COG2: variants seen among roughly 807,000 people sequenced by gnomAD.
The protein encoded by COG2 is component of oligomeric golgi complex 2, also known as conserved oligomeric Golgi complex subunit 2.
In COG2, 52 loss-of-function variants were observed where a neutral mutation model predicts 90.6. The observed-to-expected ratio is 0.57, with a 90% CI of 0.46 to 0.72. COG2 has a LOEUF of 0.72. Among genes scored for constraint, COG2 ranks in the 30% least tolerant of loss-of-function variants. COG2 has a pLI of 0.00. For missense variants in COG2, 829 were observed against 891.2 expected (o/e 0.93, Z 0.89); for synonymous variants, 337 against 320.4 (o/e 1.05, Z -0.55).
chr1:230,656,690 C>T (rs1454666461), intron 1 of COG2, among the ~76,000 whole-genome samples: 1 of 152,092 alleles, frequency 6.6e-6, no homozygotes, highest in Non-Finnish European at 1.5e-5. Context: ...TCAAATCTCC[C>T]ACTATTATTG....
chr1:230,679,964 T>C (rs1662699737), intron 10 of COG2: 1 of 152,200 alleles, frequency 6.6e-6, no homozygotes, highest in Non-Finnish European at 1.5e-5. Context: ...TATGTAATGA[T>C]CTTTTTATAA....
rs1281846229 is a variant in COG2 at position 230,678,933 on chromosome 1, T to C, written c.1047T>C (p.Asp349=). The stretch of plus-strand genomic sequence containing the variant: ...TTTAGAAATATACCATAAGTATGGA[T>C]TTTGTCAGAAGATTGGAACGGCAGT... ...AFHEKYTISM[D]FVRRLERQCG... is the part of the protein sequence containing the mutation. The change falls in exon 10 of 18, where the codon GAT becomes GAC. Residue 349 remains aspartate, a synonymous_variant. Transcript: ENST00000366669. The C allele has an allele frequency of 1.2e-6, 2 of 1,612,710 alleles. No individual in the cohort carries two copies. The highest frequency in any genetic ancestry group is 2.2e-5 in the South Asian group (2 of 90,886).
intron 1 of COG2, among the ~76,000 whole-genome samples, chr1:230,657,100 C>T (rs1179183068): frequency 6.6e-6 from 1 of 152,084 alleles, no homozygotes; most frequent in East Asian, 1.9e-4. Flanking sequence ...TGGAATTTGA[C>T]CCTATCCTTA....
intron 1 of COG2, chr1:230,643,132 A>G (rs1468730450): frequency 6.4e-6 from 1 of 156,816 alleles, no homozygotes; most frequent in African/African-American, 2.4e-5. Flanking sequence ...CTTAACATTC[A>G]GCTAAAGCTT....
At chr1:230,662,376 G>A (rs1490496153) in intron 3 of COG2, among the ~76,000 whole-genome samples, 1 of 152,098 alleles carries the variant, frequency 6.6e-6, no homozygotes, top group African/African-American at 2.4e-5. Flanking sequence ...TAGGTATTTT[G>A]TAACATTTGT....
chr1:230,659,765 A>G, intron 2 of COG2, 140 bp downstream of exon 2: 1 of 758,496 alleles, frequency 1.3e-6, no homozygotes, highest in Non-Finnish European at 1.9e-6. Context: ...TAATGTCATC[A>G]ATAAAATAAC....
At chr1:230,685,357 T>G (rs778175699) in intron 12 of COG2, 121 bp downstream of exon 12, 1 of 955,092 alleles carries the variant, frequency 1.0e-6, no homozygotes, top group Non-Finnish European at 1.5e-6. Flanking sequence ...ACCACAGTAG[T>G]CTGACTTCCC....
chr1:230,685,892 C>T (rs984710977), intron 12 of COG2, among the ~76,000 whole-genome samples: 18 of 152,126 alleles, frequency 1.2e-4, no homozygotes, highest in Admixed American at 7.9e-4. Context: ...TCAGGTAAAC[C>T]AGTCATCGCA....
intron 10 of COG2, chr1:230,683,187 G>A (rs1015889277): frequency 1.2e-5 from 2 of 162,560 alleles, no homozygotes; most frequent in African/African-American, 4.8e-5. Context: ...ACCTTCCTGT[G>A]ATGGTGTTAA....
Position 230,664,596 on chromosome 1 carries a change from T to A in COG2, c.485+9T>A. ...GCACTAGAAGCAAGCAGGTAAGTAT[T>A]TTTTATTAAATAACTCGTAAATTAA... On this transcript the variant is annotated intron_variant, in intron 5 of 17. Transcript: ENST00000366669. 7.2e-7 allele frequency: 1 copy of A among 1,388,654 alleles called. No homozygotes were observed. 86.0% of individuals were successfully genotyped at this position (1,388,654 alleles called of 1,614,324 possible). A position where few individuals can be genotyped will look rare whatever the true frequency, so the allele number is the denominator to read the frequency against.
intron 2 of COG2, among the ~76,000 whole-genome samples, chr1:230,659,827 TA>T (rs1662143742): frequency 1.3e-5 from 2 of 152,204 alleles, no homozygotes; most frequent in African/African-American, 4.8e-5. Context: ...TATTCTAAAT[TA>T]AATATTTTTT....
At position 230,679,135 on chromosome 1, in the gene COG2, C is replaced by T. The variant is rs192254511; in HGVS notation, c.1166+83C>T. ...CAGTTAAGGATGTTGCCTCAGTTAG[C>T]GGCTCCTTTTCTCTGATCATCATAA... On this transcript the variant is annotated intron_variant, in intron 10 of 17. Transcript: ENST00000366669. 6.1e-4 allele frequency: 808 copies of T among 1,332,060 alleles called. 1 individual carries two copies. Among genetic ancestry groups the T allele is most frequent in the Middle Eastern group, 5.0e-3 (21 of 4,172 alleles). The allele number at this position is 1,332,060 out of a possible 1,614,324, so 82.5% of individuals were successfully genotyped here.
intron 1 of COG2, among the ~76,000 whole-genome samples, chr1:230,652,490 A>C (rs1661937946): frequency 6.6e-6 from 1 of 152,200 alleles, no homozygotes; most frequent in African/African-American, 2.4e-5. Flanking sequence ...AAGTTTTGGC[A>C]GTTAGAATAA....
chr1:230,655,864 A>G (rs1252044583), intron 1 of COG2, among the ~76,000 whole-genome samples: 1 of 152,300 alleles, frequency 6.6e-6, no homozygotes, highest in East Asian at 1.9e-4. Flanking sequence ...CATTTCTTCT[A>G]GATTTTCTAG....
intron 5 of COG2, among the ~76,000 whole-genome samples, chr1:230,667,093 C>A (rs1439291385): frequency 6.6e-6 from 1 of 152,158 alleles, no homozygotes; most frequent in Non-Finnish European, 1.5e-5. Context: ...GACAACTTAA[C>A]GGTGAGACTG....
intron 1 of COG2, among the ~76,000 whole-genome samples, chr1:230,655,386 G>A (rs1190853878): frequency 2.6e-5 from 4 of 152,126 alleles, no homozygotes; most frequent in African/African-American, 9.7e-5. Flanking sequence ...TTCTGTTTAT[G>A]TGATGGATTA....
chr1:230,678,932 A>AT lies in COG2; in HGVS notation c.1050dup (p.Val351CysfsTer13). The stretch of plus-strand genomic sequence containing the variant: ...TTTTAGAAATATACCATAAGTATGG[A>AT]TTTTGTCAGAAGATTGGAACGGCAG... On this transcript the variant is annotated frameshift_variant, in exon 10 of 18. Coordinates refer to ENST00000366669, the MANE Select transcript of COG2 (RefSeq NM_007357.3). LOFTEE classifies it high-confidence loss of function. 4 of 1,612,662 alleles carry AT rather than the reference A, an allele frequency of 2.5e-6. No individual in the cohort carries two copies. Among genetic ancestry groups the AT allele is most frequent in the Non-Finnish European group, 3.4e-6 (4 of 1,179,074 alleles).
In COG2 at chr1:230,669,503, G is replaced by C. The variant is rs1662397788; in HGVS notation, c.742G>C (p.Gly248Arg). The C allele has an allele frequency of 6.2e-7, 1 of 1,613,942 alleles. No individual in the cohort carries two copies. The highest frequency in any genetic ancestry group is 1.3e-5 in the African/African-American group (1 of 75,020). ...GACACGGGACGCGGAGGCCTTAGTT[G>C]GCCAAGTACTAGTGAAACCATACAT... ...DKTRDAEALV[G>R]QVLVKPYIDE... The change falls in exon 7 of 18, where the codon GGC (glycine) becomes CGC (arginine). Residue 248 changes from glycine to arginine, a missense_variant. Physicochemically the swap from Gly to Arg is moderately radical, Grantham distance 125. Coordinates refer to ENST00000366669, the MANE Select transcript of COG2 (RefSeq NM_007357.3).
chr1:230,665,059 A>G (rs1185716630), intron 5 of COG2, among the ~76,000 whole-genome samples: 1 of 152,234 alleles, frequency 6.6e-6, no homozygotes, highest in Non-Finnish European at 1.5e-5. Flanking sequence ...TAAGCAAAAG[A>G]TGACTGTTTC....
Sources: gnomAD v4.1 joint callset for allele counts (sites outside exome capture counted in the v4.1 genomes callset) on GRCh38, gnomAD v4.1.1 for gene constraint, MANE v1.5 for transcripts, NCBI Gene and HGNC (gene_info 2026-07-23, HGNC 2026-07-21) for gene names.